PARD3: variants seen among roughly 807,000 people sequenced by gnomAD.
PARD3 encodes par-3 family cell polarity regulator, also known as partitioning defective 3 homolog.
In PARD3, 75 loss-of-function variants were observed where a neutral mutation model predicts 155.4. The observed-to-expected ratio is 0.48, with a 90% CI of 0.40 to 0.58. PARD3 has a LOEUF of 0.58. Ranked by LOEUF, PARD3 falls within the 20% of genes least tolerant of loss-of-function variation. The pLI, the probability that PARD3 is intolerant of heterozygous loss-of-function variation, is 0.00. For synonymous variants in PARD3, 576 were observed against 610.5 expected (o/e 0.94, Z 0.83); for missense variants, 1,642 against 1,721.7 (o/e 0.95, Z 0.82).
intron 2 of PARD3, among the ~76,000 whole-genome samples, chr10:34,666,794 A>AT (rs1430085842): frequency 2.4e-5 from 2 of 84,948 alleles, no homozygotes; most frequent in Non-Finnish European, 4.4e-5. Context: ...AAAAAAAAAA[A>AT]AAATATATAT....
chr10:34,144,229 T>A (rs1386750885), intron 22 of PARD3, among the ~76,000 whole-genome samples: 1 of 152,186 alleles, frequency 6.6e-6, no homozygotes, highest in Non-Finnish European at 1.5e-5. Context: ...TACATGTGCA[T>A]AGTTTATATT....
intron 2 of PARD3, among the ~76,000 whole-genome samples, chr10:34,692,697 A>C (rs1486726319): frequency 1.3e-5 from 2 of 152,150 alleles, no homozygotes; most frequent in Admixed American, 6.5e-5. Context: ...CAACGTGACA[A>C]AACCCATATC....
chr10:34,794,905 G>T (rs549752033), intron 1 of PARD3, among the ~76,000 whole-genome samples: 1 of 152,214 alleles, frequency 6.6e-6, no homozygotes. Context: ...ACATACACAC[G>T]TATCTATGGC....
intron 1 of PARD3, among the ~76,000 whole-genome samples, chr10:34,756,303 G>A (rs898203590): frequency 5.2e-4 from 78 of 149,162 alleles, no homozygotes; most frequent in Non-Finnish European, 1.0e-3. Context: ...ACAGGCACCC[G>A]CCACCACACC....
intron 2 of PARD3, among the ~76,000 whole-genome samples, chr10:34,547,580 G>A (rs2084190405): frequency 6.6e-6 from 1 of 152,194 alleles, no homozygotes; most frequent in South Asian, 2.1e-4. Flanking sequence ...ACATTACATA[G>A]AAAGGATCAC....
chr10:34,212,611 C>CG (rs1951807372), intron 22 of PARD3, among the ~76,000 whole-genome samples: 1 of 151,574 alleles, frequency 6.6e-6, no homozygotes, highest in Non-Finnish European at 1.5e-5. Context: ...GTACCTGGTG[C>CG]GCCCTACAGC....
chr10:34,423,133 T>C (rs2075407250), intron 5 of PARD3, among the ~76,000 whole-genome samples: 1 of 152,040 alleles, frequency 6.6e-6, no homozygotes, highest in Non-Finnish European at 1.5e-5. Context: ...AACAAAATAC[T>C]ACTCTGCCTT....
intron 1 of PARD3, among the ~76,000 whole-genome samples, chr10:34,739,537 C>A (rs1382675515): frequency 1.3e-5 from 2 of 152,110 alleles, no homozygotes. Context: ...ATCACAGGAA[C>A]TTTGTTGCAG....
intron 7 of PARD3, among the ~76,000 whole-genome samples, chr10:34,396,015 TA>T (rs1211418487): frequency 6.6e-6 from 1 of 152,036 alleles, no homozygotes; most frequent in East Asian, 1.9e-4. Context: ...CAACCTAGTC[TA>T]AAAAATAGCT....
At chr10:34,546,073 T>C (rs546344196) in intron 2 of PARD3, among the ~76,000 whole-genome samples, 1 of 152,272 alleles carries the variant, frequency 6.6e-6, no homozygotes, top group East Asian at 1.9e-4. Flanking sequence ...TAAAATGAAA[T>C]TAGAAATACA....
chr10:34,306,400 C>T (rs1957411042), intron 20 of PARD3, among the ~76,000 whole-genome samples: 1 of 152,140 alleles, frequency 6.6e-6, no homozygotes, highest in Non-Finnish European at 1.5e-5. Flanking sequence ...GCCTGTAATC[C>T]TAGCACTTTG....
intron 2 of PARD3, among the ~76,000 whole-genome samples, chr10:34,574,180 A>C (rs2086702920): frequency 6.6e-6 from 1 of 152,158 alleles, no homozygotes. Context: ...TAGGATACCA[A>C]AAGATTTACA....
chr10:34,167,440 G>A (rs1389485164), intron 22 of PARD3, among the ~76,000 whole-genome samples: 1 of 151,792 alleles, frequency 6.6e-6, no homozygotes, highest in African/African-American at 2.4e-5. Context: ...AGCACTGCGT[G>A]GTTTTCGTGA....
At chr10:34,397,052 G>A (rs1843414059) in intron 7 of PARD3, among the ~76,000 whole-genome samples, 1 of 152,154 alleles carries the variant, frequency 6.6e-6, no homozygotes, top group Non-Finnish European at 1.5e-5. Flanking sequence ...CAAATCTCTG[G>A]AGGAAGAACA....
At chr10:34,251,602 C>G (rs1770768920) in intron 22 of PARD3, among the ~76,000 whole-genome samples, 1 of 152,178 alleles carries the variant, frequency 6.6e-6, no homozygotes, top group African/African-American at 2.4e-5. Flanking sequence ...CACATCTTAC[C>G]TTATCATCTT....
At chr10:34,148,115 T>C (rs1948606024) in intron 22 of PARD3, among the ~76,000 whole-genome samples, 1 of 152,018 alleles carries the variant, frequency 6.6e-6, no homozygotes, top group Non-Finnish European at 1.5e-5. Context: ...TAGAGAGAGA[T>C]ACTGACAAAC....
intron 3 of PARD3, among the ~76,000 whole-genome samples, chr10:34,501,925 TG>T (rs563562069): frequency 2.2e-4 from 33 of 152,298 alleles, no homozygotes; most frequent in South Asian, 4.1e-4. Flanking sequence ...TGTGGGGCCT[TG>T]TGGGAAGCTG....
At chr10:34,636,203 C>T (rs1181430745) in intron 2 of PARD3, among the ~76,000 whole-genome samples, 4 of 152,120 alleles carry the variant, frequency 2.6e-5, no homozygotes, top group Non-Finnish European at 5.9e-5. Context: ...GGGCCCTCAT[C>T]AGTTTAAACC....
chr10:34,443,018 A>T (rs1433946971), intron 5 of PARD3, among the ~76,000 whole-genome samples: 1 of 152,084 alleles, frequency 6.6e-6, no homozygotes, highest in Non-Finnish European at 1.5e-5. Context: ...GCACTTGGGC[A>T]AGGAAGGGGA....
Sources: allele counts gnomAD v4.1 joint callset (sites outside exome capture counted in the v4.1 genomes callset), GRCh38; gene constraint gnomAD v4.1.1; transcripts MANE v1.5; gene names NCBI Gene and HGNC (gene_info 2026-07-23, HGNC 2026-07-21).